NEDD4: variants seen among roughly 807,000 people sequenced by gnomAD.
NEDD4 encodes the protein E3 ubiquitin-protein ligase NEDD4.
NEDD4 carries 99 observed loss-of-function variants against 144.9 expected under a neutral mutation model. The observed-to-expected ratio is 0.68, with a 90% CI of 0.58 to 0.81. The LOEUF is 0.81. NEDD4 is among the 30% of genes least tolerant of loss of function. NEDD4 has a pLI of 0.00. For missense variants in NEDD4, 985 were observed against 1,065.9 expected, an observed-to-expected ratio of 0.92 and a Z score of 1.06; for synonymous variants, 318 against 350.6, an observed-to-expected ratio of 0.91 and a Z score of 1.04.
At chr15:55,840,379 A>G in intron 21 of NEDD4, 68 bp downstream of exon 21, 1 of 1,399,656 alleles carries the variant, frequency 7.1e-7, no homozygotes, top group South Asian at 1.4e-5. Context: ...TTAAAAGCAA[A>G]TTCTTCAAAA....
rs796924533 is a variant in NEDD4, at chr15:55,898,058, T to C, written c.292-24050A>G. On this transcript the variant is annotated intron_variant, in intron 5 of 28. Coordinates refer to ENST00000435532, the MANE Select transcript of NEDD4 (RefSeq NM_006154.4). Reference sequence around the variant, plus strand: ...ACCCCACAATTAAAACACACATCCATGAGAGGTGAAATCCACAACTCAAGT... The same window carrying C: ...ACCCCACAATTAAAACACACATCCACGAGAGGTGAAATCCACAACTCAAGT... Among the ~76,000 whole-genome samples the C allele has an allele frequency of 1.4e-4, 21 of 152,300 alleles. 4 individuals are homozygous for C. Among genetic ancestry groups the C allele is most frequent in the African/African-American group, 5.1e-4 (21 of 41,566 alleles).
At chr15:55,969,362 A>G (rs2037570112) in intron 1 of NEDD4, among the ~76,000 whole-genome samples, 1 of 152,234 alleles carries the variant, frequency 6.6e-6, no homozygotes, top group Non-Finnish European at 1.5e-5. Context: ...AGTCTAGACC[A>G]TAAGGACTGC....
At chr15:55,945,690 C>G (rs1311183342) in intron 4 of NEDD4, among the ~76,000 whole-genome samples, 1 of 151,734 alleles carries the variant, frequency 6.6e-6, no homozygotes, top group African/African-American at 2.4e-5. Flanking sequence ...AGAAGAGCAA[C>G]CCCAAGACAC....
rs946460572 is a variant in NEDD4 at position 55,829,838 on chromosome 15, G to C, written c.*59C>G. 51 of 1,354,802 alleles carry C rather than the reference G, an allele frequency of 3.8e-5. No homozygotes were observed. Among genetic ancestry groups the C allele is most frequent in the Non-Finnish European group, 5.1e-5 (50 of 976,128 alleles). The allele number at this position is 1,354,802 out of a possible 1,614,324, so 83.9% of individuals were successfully genotyped here. A position where few individuals can be genotyped will look rare whatever the true frequency, so the allele number is the denominator to read the frequency against. The stretch of plus-strand genomic sequence containing the variant: ...TTAGTAGTTCCCCGGAAAATTTTAA[G>C]TCAAGATTTTGGTTATAAAACTATG... On this transcript the variant is annotated 3_prime_UTR_variant, in exon 29 of 29. Transcript: ENST00000435532.
intron 5 of NEDD4, among the ~76,000 whole-genome samples, chr15:55,907,444 T>C (rs1203177238): frequency 1.3e-5 from 2 of 152,242 alleles, no homozygotes; most frequent in East Asian, 3.8e-4. Flanking sequence ...TATTATATAT[T>C]ATACTATATT....
At chr15:55,951,325 TA>T in intron 4 of NEDD4, 50 bp downstream of exon 4, 1 of 757,762 alleles carries the variant, frequency 1.3e-6, no homozygotes, top group Non-Finnish European at 2.1e-6. Context: ...TCTAACCTCC[TA>T]AGAAAAAAAC....
intron 2 of NEDD4, among the ~76,000 whole-genome samples, chr15:55,952,346 A>G (rs2037256747): frequency 6.6e-6 from 1 of 152,066 alleles, no homozygotes; most frequent in African/African-American, 2.4e-5. Context: ...AAAATAAAAT[A>G]AAATAAAATA....
chr15:55,906,725 T>C (rs1418368754), intron 5 of NEDD4, among the ~76,000 whole-genome samples: 1 of 152,196 alleles, frequency 6.6e-6, no homozygotes, highest in Admixed American at 6.5e-5. Context: ...GGCACATGTA[T>C]ACATATGTAA....
At chr15:55,930,923 T>TG (rs2036767503) in intron 4 of NEDD4, among the ~76,000 whole-genome samples, 1 of 152,202 alleles carries the variant, frequency 6.6e-6, no homozygotes, top group Non-Finnish European at 1.5e-5. Flanking sequence ...TATCCAGTCT[T>TG]GGGTACGTCT....
At chr15:55,926,583 C>CA (rs765690175) in intron 4 of NEDD4, among the ~76,000 whole-genome samples, 4 of 152,096 alleles carry the variant, frequency 2.6e-5, no homozygotes, top group Admixed American at 6.5e-5. Flanking sequence ...GCCTGGGCAT[C>CA]ATAGGGAGAC....
chr15:55,924,176 A>C (rs1183007269), intron 5 of NEDD4, among the ~76,000 whole-genome samples: 1 of 152,120 alleles, frequency 6.6e-6, no homozygotes. Flanking sequence ...ATTCCTTATC[A>C]GTGTAAAAAG....
At position 55,993,275 on chromosome 15, in the gene NEDD4, C is replaced by A. The variant is rs1239943070; in HGVS notation, c.45+236G>T. Among the ~76,000 whole-genome samples the A allele has an allele frequency of 1.1e-4, 16 of 152,286 alleles. No homozygotes were observed. In the East Asian group the frequency reaches 2.9e-3, roughly 28 times the overall value. ...ACTGACAAGTAAGGCGGCGGCCGCT[C>A]CGGGAAGGGGCGGGTGTGGACCCGA... is the stretch of plus-strand genomic sequence containing the variant. On this transcript the variant is annotated intron_variant, in intron 1 of 28. Coordinates refer to ENST00000435532, the MANE Select transcript of NEDD4 (RefSeq NM_006154.4).
rs966912059 is a variant in NEDD4, at chr15:55,840,365, G to A, written c.2031+82C>T. On this transcript the variant is annotated intron_variant, in intron 21 of 28. Transcript: ENST00000435532. ...AACATGATAATATATTAATTTCCATGTCATTAAAAGCAAATTCTTCAAAAT... is the reference window on the plus strand; with the variant it reads ...AACATGATAATATATTAATTTCCATATCATTAAAAGCAAATTCTTCAAAAT... 1.1e-5 allele frequency: 13 copies of A among 1,200,166 alleles called. No homozygotes were observed. The Admixed American group carries it at 3.4e-4, about 31-fold the overall frequency. 74.3% of individuals were successfully genotyped at this position (1,200,166 alleles called of 1,614,324 possible).
At chr15:55,834,854 G>A (rs1307042632) in intron 24 of NEDD4, among the ~76,000 whole-genome samples, 4 of 152,270 alleles carry the variant, frequency 2.6e-5, no homozygotes, top group South Asian at 4.2e-4. Flanking sequence ...TATGCACAAT[G>A]GAACTCCCTC....
At chr15:55,906,815 G>C (rs2036115706) in intron 5 of NEDD4, among the ~76,000 whole-genome samples, 1 of 152,132 alleles carries the variant, frequency 6.6e-6, no homozygotes, top group Non-Finnish European at 1.5e-5. Context: ...AAAATTTTAG[G>C]CTGGGCGCAG....
chr15:55,977,211 T>C (rs189927774), intron 1 of NEDD4, among the ~76,000 whole-genome samples: 1 of 152,238 alleles, frequency 6.6e-6, no homozygotes, highest in East Asian at 1.9e-4. Context: ...GGACAGCATA[T>C]ATGATGGTGG....
intron 4 of NEDD4, among the ~76,000 whole-genome samples, chr15:55,941,373 C>T (rs530081258): frequency 2.6e-5 from 4 of 152,242 alleles, no homozygotes; most frequent in Admixed American, 2.0e-4. Context: ...ATAGCTTCAT[C>T]CCACATTTGG....
At chr15:55,991,087 A>G (rs1382335962) in intron 1 of NEDD4, among the ~76,000 whole-genome samples, 12 of 152,198 alleles carry the variant, frequency 7.9e-5, no homozygotes, top group African/African-American at 2.7e-4. Flanking sequence ...TTAAATTACA[A>G]TTCTTTCACT....
chr15:55,886,045 T>C (rs1349566999), intron 5 of NEDD4, among the ~76,000 whole-genome samples: 3 of 151,986 alleles, frequency 2.0e-5, no homozygotes, highest in Admixed American at 1.3e-4. Flanking sequence ...AAAAAGGGCA[T>C]GAGTAGCTGT....
Sources: gnomAD v4.1 joint callset for allele counts (sites outside exome capture counted in the v4.1 genomes callset) on GRCh38, gnomAD v4.1.1 for gene constraint, MANE v1.5 for transcripts, NCBI Gene and HGNC (gene_info 2026-07-23, HGNC 2026-07-21) for gene names.